CATSPERB: variants seen among roughly 807,000 people sequenced by gnomAD.
CATSPERB encodes the protein cation channel sperm-associated auxiliary subunit beta.
A neutral mutation model predicts 128.3 loss-of-function variants in CATSPERB; 93 were observed. The observed-to-expected ratio is 0.72, with a 90% confidence interval of 0.61 to 0.86. CATSPERB has a LOEUF of 0.86. Among genes scored for constraint, CATSPERB ranks in the 40% least tolerant of loss-of-function variants. The pLI is 0.00. For missense variants in CATSPERB, 1,153 were observed against 1,329.5 expected, an observed-to-expected ratio of 0.87 and a Z score of 2.06; for synonymous variants, 381 against 448.8, an observed-to-expected ratio of 0.85 and a Z score of 1.91.
Position 91,693,415 on chromosome 14 carries a change from C to T in CATSPERB, c.681G>A (p.Met227Ile). Residue 227 changes from methionine to isoleucine, a missense_variant, in exon 8 of 27, where the codon ATG (methionine) becomes ATA (isoleucine). By Grantham distance (10) the Met-to-Ile change is conservative. Transcript: ENST00000256343. ...GAAGTTGGGAATAGATAGTCTGTGT[C>T]ATGTTAAACCATGTGGTATCATAAT... ...WHDYDTTWFN[M>I]TQTIYSQLQE... 6.2e-7 allele frequency: 1 copy of T among 1,614,004 alleles called. No homozygotes were observed. The highest frequency in any genetic ancestry group is 8.5e-7 in the Non-Finnish European group (1 of 1,179,908).
Position 91,693,493 on chromosome 14 carries a change from A to G in CATSPERB, c.617-14T>C. On this transcript the variant is annotated splice_polypyrimidine_tract_variant and intron_variant, in intron 7 of 26. Transcript: ENST00000256343. ...CTATGTAAACACCTACCATGAAACA[A>G]AAGGAAAATTAAAGCCAGGCAACTT... The G allele has an allele frequency of 6.2e-7, 1 of 1,606,028 alleles. No individual in the cohort carries two copies. Among genetic ancestry groups the G allele is most frequent in the Non-Finnish European group, 8.5e-7 (1 of 1,174,728 alleles).
At chr14:91,670,927 C>T (rs541966090) in intron 13 of CATSPERB, among the ~76,000 whole-genome samples, 1 of 152,074 alleles carries the variant, frequency 6.6e-6, no homozygotes, top group Admixed American at 6.5e-5. Context: ...CTCTTGAAAC[C>T]GGGAGGCAGA....
At chr14:91,704,756 G>T in intron 6 of CATSPERB, 55 bp from the exon 7 acceptor site, 3 of 1,552,090 alleles carry the variant, frequency 1.9e-6, no homozygotes, top group African/African-American at 1.4e-5. Flanking sequence ...GAAAATGGAT[G>T]CTACTTTCCT....
chr14:91,634,983 G>A (rs1220835177), intron 17 of CATSPERB, among the ~76,000 whole-genome samples: 1 of 152,048 alleles, frequency 6.6e-6, no homozygotes, highest in South Asian at 2.1e-4. Flanking sequence ...TGAGATCAAG[G>A]TGCCAGCAGA....
intron 4 of CATSPERB, among the ~76,000 whole-genome samples, chr14:91,720,769 G>A (rs1896014178): frequency 6.6e-6 from 1 of 152,058 alleles, no homozygotes; most frequent in Non-Finnish European, 1.5e-5. Context: ...ACTCAGACTA[G>A]CAAAAATAAT....
chr14:91,652,189 T>A (rs1236324843), intron 15 of CATSPERB, among the ~76,000 whole-genome samples: 2 of 151,922 alleles, frequency 1.3e-5, no homozygotes, highest in Non-Finnish European at 2.9e-5. Flanking sequence ...AAGACATATT[T>A]CTAACAAAAA....
intron 25 of CATSPERB, 50 bp downstream of exon 25, chr14:91,587,928 A>G: frequency 2.6e-6 from 3 of 1,163,002 alleles, no homozygotes; most frequent in Non-Finnish European, 3.8e-6. Context: ...GTTTAGACAT[A>G]CATGTTTTAT....
intron 20 of CATSPERB, among the ~76,000 whole-genome samples, chr14:91,616,461 T>G (rs576827025): frequency 6.6e-6 from 1 of 152,328 alleles, no homozygotes; most frequent in African/African-American, 2.4e-5. Flanking sequence ...GCCCTGGTAA[T>G]TGTCCACTGC....
At chr14:91,669,177 C>CT (rs1200160635) in intron 14 of CATSPERB, among the ~76,000 whole-genome samples, 2 of 152,186 alleles carry the variant, frequency 1.3e-5, no homozygotes, top group Non-Finnish European at 2.9e-5. Context: ...TTTAAAATCT[C>CT]TAAATTTTGC....
At chr14:91,639,000 A>G in intron 16 of CATSPERB, 96 bp downstream of exon 16, 5 of 1,126,314 alleles carry the variant, frequency 4.4e-6, no homozygotes, top group Non-Finnish European at 6.3e-6. Context: ...GTTTGTCCCA[A>G]GGAAAATACT....
intron 15 of CATSPERB, chr14:91,646,106 C>T (rs920897279): frequency 9.7e-4 from 150 of 154,840 alleles, no homozygotes; most frequent in Non-Finnish European, 1.7e-3. Context: ...CGCCCACTGT[C>T]TGGCACTCCC....
intron 11 of CATSPERB, among the ~76,000 whole-genome samples, chr14:91,679,970 G>A (rs1327012310): frequency 2.6e-5 from 4 of 152,114 alleles, no homozygotes; most frequent in East Asian, 3.8e-4. Context: ...GACTCTGCCA[G>A]TATCTGATAC....
chr14:91,715,737 T>C (rs1243749323), intron 5 of CATSPERB, among the ~76,000 whole-genome samples: 1 of 151,994 alleles, frequency 6.6e-6, no homozygotes, highest in Non-Finnish European at 1.5e-5. Context: ...AAGATCAACA[T>C]TGAAGGACTA....
intron 1 of CATSPERB, 67 bp from the exon 2 acceptor site, chr14:91,729,546 AAAC>A: frequency 2.5e-6 from 2 of 788,934 alleles, no homozygotes; most frequent in Non-Finnish European, 4.2e-6. Flanking sequence ...CTTTTGCTAT[AAAC>A]AACTACAAAG....
At position 91,724,996 on chromosome 14, in the gene CATSPERB, G is replaced by A. The variant is rs1215799641; in HGVS notation, c.168+84C>T. The A allele has an allele frequency of 5.1e-5, 28 of 548,798 alleles. No individual in the cohort carries two copies. The Middle Eastern group carries it at 2.6e-3, about 50-fold the overall frequency. The allele number at this position is 548,798 out of a possible 1,614,324, so 34.0% of individuals were successfully genotyped here. On this transcript the variant is annotated intron_variant, in intron 3 of 26. Coordinates refer to ENST00000256343, the MANE Select transcript of CATSPERB (RefSeq NM_024764.4). ...AGACTGAACATAGTAGAGGGTATTT[G>A]GAAAGAATACAATGCTATTGGTTTT...
At chr14:91,594,139 A>G (rs1195368753) in intron 22 of CATSPERB, among the ~76,000 whole-genome samples, 1 of 152,230 alleles carries the variant, frequency 6.6e-6, no homozygotes, top group Non-Finnish European at 1.5e-5. Flanking sequence ...ATGGAATACT[A>G]TGCAGCCATA....
At chr14:91,723,974 C>A (rs1053583726) in intron 3 of CATSPERB, among the ~76,000 whole-genome samples, 1 of 152,010 alleles carries the variant, frequency 6.6e-6, no homozygotes, top group African/African-American at 2.4e-5. Context: ...GTTGAGAGTG[C>A]AGGAGTTTGG....
chr14:91,616,882 C>T (rs951553396), intron 20 of CATSPERB, among the ~76,000 whole-genome samples: 1 of 151,932 alleles, frequency 6.6e-6, no homozygotes, highest in Non-Finnish European at 1.5e-5. Flanking sequence ...GCTGGGATTA[C>T]AGGCAAGGGC....
At chr14:91,652,667 T>C (rs1894724776) in intron 15 of CATSPERB, among the ~76,000 whole-genome samples, 1 of 55,324 alleles carries the variant, frequency 1.8e-5, no homozygotes, top group Admixed American at 3.6e-4. Context: ...CAAGACTCTG[T>C]CTCAAAAAAA....
Sources: allele counts gnomAD v4.1 joint callset (sites outside exome capture counted in the v4.1 genomes callset), GRCh38; gene constraint gnomAD v4.1.1; transcripts MANE v1.5; gene names NCBI Gene and HGNC (gene_info 2026-07-23, HGNC 2026-07-21).